STYX: variants seen among roughly 807,000 people sequenced by gnomAD.
The protein encoded by STYX is serine/threonine/tyrosine-interacting protein.
Under a neutral mutation model 42.7 loss-of-function variants are expected in STYX, and 20 were observed. The ratio of observed to expected loss-of-function variants is 0.47; its 90% confidence interval spans 0.33 to 0.68. STYX has a LOEUF of 0.68. Among genes scored for constraint, STYX ranks in the 30% least tolerant of loss-of-function variants. The pLI is 0.02. For missense variants in STYX, 226 were observed against 268.5 expected (o/e 0.84, Z 1.11); for synonymous variants, 78 against 81.9 (o/e 0.95, Z 0.26).
chr14:52,747,402 A>G, intron 3 of STYX, among the ~76,000 whole-genome samples: 1 of 152,202 alleles, frequency 6.6e-6, no homozygotes, highest in East Asian at 1.9e-4. Flanking sequence ...CGGTTTTAAA[A>G]GGTCATTGAT....
At chr14:52,769,382 T>A (rs1317958919) in intron 10 of STYX, among the ~76,000 whole-genome samples, 2 of 152,170 alleles carry the variant, frequency 1.3e-5, no homozygotes. Flanking sequence ...TACCTGTGTT[T>A]ATCACCTTTG....
chr14:52,761,863 C>G (rs1353928787), intron 9 of STYX, among the ~76,000 whole-genome samples: 2 of 149,574 alleles, frequency 1.3e-5, no homozygotes, highest in Admixed American at 1.3e-4. Context: ...TGGCCAACAT[C>G]GTGAAACCCT....
chr14:52,739,980 G>C (rs1047507313), intron 1 of STYX, among the ~76,000 whole-genome samples: 4 of 152,004 alleles, frequency 2.6e-5, no homozygotes, highest in African/African-American at 7.2e-5. Flanking sequence ...TAACACATTG[G>C]TAAGTTAAAG....
At chr14:52,762,060 AATAGAG>A (rs1882116242) in intron 9 of STYX, among the ~76,000 whole-genome samples, 2 of 151,608 alleles carry the variant, frequency 1.3e-5, no homozygotes. Context: ...GAAAAAAAAA[AATAGAG>A]ATAGGGTTTT....
Position 52,745,577 on chromosome 14 carries a change from C to T in STYX, c.90+693C>T, listed in dbSNP as rs536692350. Among the ~76,000 whole-genome samples, 9 of 152,198 alleles carry T rather than the reference C, an allele frequency of 5.9e-5. No homozygotes were observed. In the South Asian group the frequency reaches 6.2e-4, roughly 11 times the overall value. ...AAATAAGCATTGTTCATTTTGTGTC[C>T]GATTTTTAATCAACTTCCACAATTA... On this transcript the variant is annotated intron_variant, in intron 2 of 10. Transcript: ENST00000354586.
chr14:52,748,861 A>G (rs1466409443), intron 3 of STYX, among the ~76,000 whole-genome samples: 1 of 152,262 alleles, frequency 6.6e-6, no homozygotes, highest in Non-Finnish European at 1.5e-5. Flanking sequence ...ATCTCAATAT[A>G]GAACATTGGT....
At chr14:52,736,488 A>T (rs1366237786) in intron 1 of STYX, among the ~76,000 whole-genome samples, 1 of 152,216 alleles carries the variant, frequency 6.6e-6, no homozygotes, top group African/African-American at 2.4e-5. Flanking sequence ...TTATAATTTA[A>T]AAGTTAATGT....
chr14:52,755,121 G>GTTTTTTTTTTTTTGT (rs1881804405), intron 4 of STYX, among the ~76,000 whole-genome samples: 1 of 139,308 alleles, frequency 7.2e-6, no homozygotes. Flanking sequence ...TTGTTTTTTT[G>GTTTTTTTTTTTTTGT]TTTTTTTTTT....
At chr14:52,733,374 T>TC (rs1447681799) in intron 1 of STYX, among the ~76,000 whole-genome samples, 2 of 152,148 alleles carry the variant, frequency 1.3e-5, no homozygotes, top group African/African-American at 4.8e-5. Context: ...TGGGGGTTTT[T>TC]CCATACCAAG....
At chr14:52,733,989 G>A (rs1472601261) in intron 1 of STYX, among the ~76,000 whole-genome samples, 2 of 152,100 alleles carry the variant, frequency 1.3e-5, no homozygotes, top group Non-Finnish European at 2.9e-5. Context: ...CTCACCTCAT[G>A]TAAATGAAGA....
At chr14:52,732,278 T>C (rs1040882937) in intron 1 of STYX, among the ~76,000 whole-genome samples, 1 of 146,660 alleles carries the variant, frequency 6.8e-6, no homozygotes, top group Non-Finnish European at 1.5e-5. Flanking sequence ...TTTTTTTTTT[T>C]TTTTTTGAGA....
rs1458550494 is a variant in STYX at position 52,758,034 on chromosome 14, T to C, written c.431+110T>C. 2.4e-5 allele frequency: 29 copies of C among 1,223,948 alleles called. 1 individual carries two copies. The highest frequency in any genetic ancestry group is 3.3e-5 in the Non-Finnish European group (29 of 872,948). The allele number at this position is 1,223,948 out of a possible 1,614,324, so 75.8% of individuals were successfully genotyped here. A position where few individuals can be genotyped will look rare whatever the true frequency, so the allele number is the denominator to read the frequency against. ...CTTATTCCCCTGATTATTTTTCATG[T>C]AGTCATGTTTGATTAGGCAGGCCCT... On this transcript the variant is annotated intron_variant, in intron 8 of 10. Transcript: ENST00000354586.
intron 3 of STYX, among the ~76,000 whole-genome samples, chr14:52,750,017 G>A (rs1053550184): frequency 6.6e-6 from 1 of 152,140 alleles, no homozygotes; most frequent in Non-Finnish European, 1.5e-5. Context: ...GTATGTATAT[G>A]CAAATATTTC....
At chr14:52,759,575 A>C in intron 8 of STYX, 107 bp from the exon 9 acceptor site, 1 of 758,558 alleles carries the variant, frequency 1.3e-6, no homozygotes, top group Non-Finnish European at 2.2e-6. Flanking sequence ...TAATCTCATC[A>C]TGCTTTTTCC....
At chr14:52,752,194 C>G (rs71422099) in intron 4 of STYX, among the ~76,000 whole-genome samples, 2 of 150,490 alleles carry the variant, frequency 1.3e-5, no homozygotes, top group South Asian at 2.1e-4. Context: ...AAAAAAACAG[C>G]GCTGTGGCTT....
In STYX at chr14:52,773,798, T is replaced by C. The variant is rs1882614582; in HGVS notation, c.*2692T>C. 6.6e-6 allele frequency: 1 copy of C among 152,226 alleles called. No individual in the cohort carries two copies. Among genetic ancestry groups the C allele is most frequent in the East Asian group, 1.9e-4 (1 of 5,202 alleles). 9.4% of individuals were successfully genotyped at this position (152,226 alleles called of 1,614,324 possible). Reference sequence around the variant, plus strand: ...TGATTCCATTTCTGTGATTCTTTTATTACCACTGATGTTTTGTGATAGTTA... The same window carrying C: ...TGATTCCATTTCTGTGATTCTTTTACTACCACTGATGTTTTGTGATAGTTA... On this transcript the variant is annotated 3_prime_UTR_variant, in exon 11 of 11. Transcript: ENST00000354586.
At position 52,734,349 on chromosome 14, in the gene STYX, G is replaced by C. The variant is rs552852246; in HGVS notation, c.57+3818G>C. On this transcript the variant is annotated intron_variant, in intron 1 of 10. Transcript: ENST00000354586. The stretch of plus-strand genomic sequence containing the variant: ...GCACCTCCAGTGTTTTCATCCAGAA[G>C]CTCAACAAATCTTATTCAACGGTTT... Among the ~76,000 whole-genome samples the C allele has an allele frequency of 6.6e-5, 10 of 152,292 alleles. No homozygotes were observed. In the South Asian group the frequency reaches 1.0e-3, roughly 16 times the overall value.
In STYX at chr14:52,774,489, G is replaced by A. The variant is rs937062874; in HGVS notation, c.*3383G>A. The A allele has an allele frequency of 2.0e-5, 3 of 151,234 alleles. No homozygotes were observed. The highest frequency in any genetic ancestry group is 2.0e-4 in the Admixed American group (3 of 15,206). The allele number at this position is 151,234 out of a possible 1,614,324, so 9.4% of individuals were successfully genotyped here. ...ATTTTCTTTCTTTCTTTGTTCAACA[G>A]TGCTCCGATAAGGGAATGCTAGAAA... On this transcript the variant is annotated 3_prime_UTR_variant, in exon 11 of 11. Transcript: ENST00000354586.
Position 52,768,922 on chromosome 14 carries a change from C to G in STYX, c.587C>G (p.Ser196Cys). The G allele has an allele frequency of 6.4e-7, 1 of 1,574,322 alleles. No individual in the cohort carries two copies. The highest frequency in any genetic ancestry group is 1.4e-5 in the African/African-American group (1 of 72,972). Residue 196 changes from serine (S) to cysteine (C), a missense_variant, in exon 10 of 11, where the codon TCT becomes TGT. By Grantham distance (112) the Ser-to-Cys change is moderately radical. Transcript: ENST00000354586. ...ATAGAAAGGTCATTATCTGTTCATT[C>G]TGGTACCACAGGTAAGGATTTTTTT... is the stretch of plus-strand genomic sequence containing the variant. Reference protein sequence around the residue: ...LQIERSLSVHSGTTGSLKRTH... With the variant: ...LQIERSLSVHCGTTGSLKRTH...
Sources: allele counts gnomAD v4.1 joint callset (sites outside exome capture counted in the v4.1 genomes callset), GRCh38; gene constraint gnomAD v4.1.1; transcripts MANE v1.5; gene names NCBI Gene and HGNC (gene_info 2026-07-23, HGNC 2026-07-21).